Variants in CXADR observed in about 807,000 individuals in gnomAD.
CXADR encodes the protein CXADR cell adhesion molecule.
CXADR carries 20 observed loss-of-function variants against 40.3 expected under a neutral mutation model. That is an observed-to-expected ratio of 0.50 (90% confidence interval 0.35 to 0.72). CXADR has a LOEUF of 0.72. Among genes scored for constraint, CXADR ranks in the 30% least tolerant of loss-of-function variants. CXADR has a pLI of 0.01. For synonymous variants in CXADR, 150 were observed against 161.3 expected (o/e 0.93, Z 0.53); for missense variants, 332 against 449.1 (o/e 0.74, Z 2.36).
chr21:17,579,341 G>T (rs1044839119), intron 7 of CXADR, among the ~76,000 whole-genome samples: 13 of 151,416 alleles, frequency 8.6e-5, no homozygotes, highest in Non-Finnish European at 1.6e-4. Flanking sequence ...CTGGAGTGCA[G>T]TGGTGCAGTC....
chr21:17,530,638 A>AC (rs561977510), intron 1 of CXADR, among the ~76,000 whole-genome samples: 10 of 151,216 alleles, frequency 6.6e-5, no homozygotes, highest in African/African-American at 2.2e-4. Context: ...ACATGGTGAA[A>AC]CCCCTTCTCT....
intron 7 of CXADR, among the ~76,000 whole-genome samples, chr21:17,591,378 A>G (rs2123407359): frequency 6.6e-6 from 1 of 152,198 alleles, no homozygotes; most frequent in Admixed American, 6.5e-5. Flanking sequence ...GAATGGCTAC[A>G]CAATAAACTG....
chr21:17,628,539 C>T, the CXADR span, among the ~76,000 whole-genome samples: 3 of 151,708 alleles, frequency 2.0e-5, no homozygotes, highest in East Asian at 1.9e-4. Context: ...CTCGCTCTGT[C>T]GTCCAGGCTG....
At chr21:17,612,365 A>C in the CXADR span, 1 of 152,240 alleles carries the variant, frequency 6.6e-6, no homozygotes, top group South Asian at 2.1e-4. Flanking sequence ...AAGGGGGTGG[A>C]CAGAGGGTGG....
chr21:17,546,920 G>A (rs997527221), intron 1 of CXADR, 107 bp from the exon 2 acceptor site: 34 of 1,361,132 alleles, frequency 2.5e-5, no homozygotes, highest in African/African-American at 7.2e-5. Flanking sequence ...CCCAAACCCC[G>A]TCCTGTATCC....
chr21:17,565,530 A>T lies in CXADR; in HGVS notation c.936A>T (p.Gly312=), dbSNP rs756078048. The T allele has an allele frequency of 6.2e-6, 10 of 1,613,808 alleles. No homozygotes were observed. Among genetic ancestry groups the T allele is most frequent in the Admixed American group, 1.7e-5 (1 of 60,000 alleles). ...LGSMSPSNME[G]YSKTQYNQVP... is the part of the protein sequence containing the mutation. ...CCATGTCTCCTTCCAACATGGAAGGATATTCCAAGACTCAGTATAACCAAG... is the reference window on the plus strand; with the variant it reads ...CCATGTCTCCTTCCAACATGGAAGGTTATTCCAAGACTCAGTATAACCAAG... Residue 312 remains glycine (G), a synonymous_variant, in exon 7 of 7, where the codon GGA becomes GGT. Transcript: ENST00000284878.
At chr21:17,591,348 T>TATTA (rs962482784) in intron 7 of CXADR, among the ~76,000 whole-genome samples, 3 of 152,044 alleles carry the variant, frequency 2.0e-5, no homozygotes, top group African/African-American at 7.2e-5. Context: ...AATTATTTAC[T>TATTA]ATTATCTGTA....
At chr21:17,627,199 A>C in the CXADR span, 1 of 152,312 alleles carries the variant, frequency 6.6e-6, no homozygotes, top group East Asian at 1.9e-4. Flanking sequence ...TCTACTAAAA[A>C]TACAAAATTA....
intron 4 of CXADR, among the ~76,000 whole-genome samples, chr21:17,559,829 T>C (rs1010590305): frequency 2.0e-5 from 3 of 151,422 alleles, no homozygotes; most frequent in Middle Eastern, 3.4e-3. Flanking sequence ...CAGGCATGTG[T>C]CACCACACCC....
In CXADR at chr21:17,569,501, T is replaced by C. The variant is rs1249515575; in HGVS notation, c.*3809T>C. 1.0e-6 allele frequency: 1 copy of C among 985,194 alleles called. No individual in the cohort carries two copies. Among genetic ancestry groups the C allele is most frequent in the Admixed American group, 6.2e-5 (1 of 16,244 alleles). The allele number at this position is 985,194 out of a possible 1,614,324, so 61.0% of individuals were successfully genotyped here. A position where few individuals can be genotyped will look rare whatever the true frequency, so the allele number is the denominator to read the frequency against. ...GCATCATGTTCTGCAATAGGATTTC[T>C]TACTCATTTACCTATTTTAACACTA... On this transcript the variant is annotated 3_prime_UTR_variant, in exon 7 of 7. Coordinates refer to ENST00000284878, the MANE Select transcript of CXADR (RefSeq NM_001338.5).
At chr21:17,526,762 CTA>C (rs2060603098) in intron 1 of CXADR, among the ~76,000 whole-genome samples, 1 of 152,116 alleles carries the variant, frequency 6.6e-6, no homozygotes, top group Non-Finnish European at 1.5e-5. Flanking sequence ...ACATCTGTGT[CTA>C]TTTCTTGGAT....
Position 17,569,986 on chromosome 21 carries a change from T to A in CXADR, c.*4294T>A, listed in dbSNP as rs1277897244. ...AGATTTTGTATGTACGATTTCTGGC[T>A]TATATATCCAATGGTGCAGATTTTG... On this transcript the variant is annotated 3_prime_UTR_variant, in exon 7 of 7. Transcript: ENST00000284878. 1 of 985,306 alleles carries A rather than the reference T, an allele frequency of 1.0e-6. No individual in the cohort carries two copies. The highest frequency in any genetic ancestry group is 1.2e-6 in the Non-Finnish European group (1 of 829,916). 61.0% of individuals were successfully genotyped at this position (985,306 alleles called of 1,614,324 possible).
At chr21:17,547,340 G>A (rs1035488621) in intron 2 of CXADR, 147 bp downstream of exon 2, 25 of 1,128,898 alleles carry the variant, frequency 2.2e-5, no homozygotes, top group Non-Finnish European at 3.0e-5. Flanking sequence ...GGTGAGGAAG[G>A]CAATTGCTCT....
At chr21:17,537,961 T>C (rs988015686) in intron 1 of CXADR, among the ~76,000 whole-genome samples, 1 of 151,924 alleles carries the variant, frequency 6.6e-6, no homozygotes, top group Non-Finnish European at 1.5e-5. Flanking sequence ...ACTGAGACCA[T>C]AGTAAGCCTA....
downstream of CXADR, chr21:17,594,186 T>C (rs111268387): frequency 1.2e-5 from 19 of 1,613,292 alleles, no homozygotes; most frequent in East Asian, 2.5e-4. Context: ...TTGGGCGATA[T>C]GGTTTATTTT....
chr21:17,594,407 ACAAACAAAGTTACCCACAACACT>A, downstream of CXADR: 1 of 540,278 alleles, frequency 1.9e-6, no homozygotes, highest in African/African-American at 1.5e-4. Context: ...CTCATTAAAG[ACAAACAAAGTTACCCACAACACT>A]GAGATCACAT....
intron 1 of CXADR, among the ~76,000 whole-genome samples, chr21:17,541,573 T>A (rs1229378429): frequency 6.6e-6 from 1 of 151,198 alleles, no homozygotes; most frequent in Non-Finnish European, 1.5e-5. Context: ...AAAAATCCTA[T>A]GTTCCACCTA....
chr21:17,567,780 C>A lies in CXADR; in HGVS notation c.*2088C>A. The A allele has an allele frequency of 1.1e-6, 1 of 915,244 alleles. No homozygotes were observed. The highest frequency in any genetic ancestry group is 5.0e-5 in the South Asian group (1 of 19,846). The allele number at this position is 915,244 out of a possible 1,614,324, so 56.7% of individuals were successfully genotyped here. A position where few individuals can be genotyped will look rare whatever the true frequency, so the allele number is the denominator to read the frequency against. ...AATAAAGTTTTGGTTCTTCCTATTCCTGACTTTCATATAATGAAAATTATC... is the reference window on the plus strand; with the variant it reads ...AATAAAGTTTTGGTTCTTCCTATTCATGACTTTCATATAATGAAAATTATC... On this transcript the variant is annotated 3_prime_UTR_variant, in exon 7 of 7. Coordinates refer to ENST00000284878, the MANE Select transcript of CXADR (RefSeq NM_001338.5).
At chr21:17,595,412 CTTCT>C (rs772422138), downstream of CXADR, among the ~76,000 whole-genome samples, 33 of 152,004 alleles carry the variant, frequency 2.2e-4, no homozygotes, top group Non-Finnish European at 2.9e-4. Flanking sequence ...CACCCTTTAT[CTTCT>C]TTATCTTAAC....
Sources: gnomAD v4.1 joint callset for allele counts (sites outside exome capture counted in the v4.1 genomes callset) on GRCh38, gnomAD v4.1.1 for gene constraint, MANE v1.5 for transcripts, NCBI Gene and HGNC (gene_info 2026-07-23, HGNC 2026-07-21) for gene names.